TASOR2: variants seen among roughly 807,000 people sequenced by gnomAD.
TASOR2 encodes transcription activation suppressor family member 2, also known as protein TASOR 2.
In TASOR2, 84 loss-of-function variants were observed where a neutral mutation model predicts 199.5. That is an observed-to-expected ratio of 0.42 (90% confidence interval 0.35 to 0.50). TASOR2 has a LOEUF of 0.50. TASOR2 is among the 20% of genes least tolerant of loss of function. TASOR2 has a pLI of 0.02. For missense variants in TASOR2, 2,796 were observed against 2,835.9 expected (o/e 0.99, Z 0.32); for synonymous variants, 1,103 against 1,046.6 (o/e 1.05, Z -1.04).
Position 5,758,993 on chromosome 10 carries a change from G to C in TASOR2, c.6992+1G>C. 1.9e-6 allele frequency: 3 copies of C among 1,603,310 alleles called. No homozygotes were observed. Among genetic ancestry groups the C allele is most frequent in the Non-Finnish European group, 2.6e-6 (3 of 1,170,130 alleles). Reference sequence around the variant, plus strand: ...ATAAAAAGCTAAAAGAAGATGAAAGGTAAGGACTTGCTGTGTGTATGGTTC... The same window carrying C: ...ATAAAAAGCTAAAAGAAGATGAAAGCTAAGGACTTGCTGTGTGTATGGTTC... On this transcript the variant is annotated splice_donor_variant, in intron 18 of 20. Transcript: ENST00000328090. LOFTEE classifies it high-confidence loss of function.
At chr10:5,702,864 T>TA (rs1838071385) in intron 1 of TASOR2, among the ~76,000 whole-genome samples, 1 of 152,090 alleles carries the variant, frequency 6.6e-6, no homozygotes, top group Non-Finnish European at 1.5e-5. Context: ...CATATTCTGG[T>TA]AAAAAATTTC....
intron 8 of TASOR2, among the ~76,000 whole-genome samples, chr10:5,725,181 C>T (rs970561910): frequency 1.3e-5 from 2 of 151,896 alleles, no homozygotes; most frequent in Non-Finnish European, 2.9e-5. Context: ...GGGCGGATCA[C>T]GAGGTCAGGA....
Position 5,758,962 on chromosome 10 carries a change from G to A in TASOR2, c.6962G>A (p.Arg2321Lys), listed in dbSNP as rs1315368360. The A allele has an allele frequency of 1.9e-6, 3 of 1,613,986 alleles. No homozygotes were observed. The South Asian group carries it at 3.3e-5, about 18-fold the overall frequency. The change falls in exon 18 of 21, where the codon AGG (arginine) becomes AAG (lysine). Residue 2321 changes from arginine (R) to lysine (K), a missense_variant. Physicochemically the swap from Arg to Lys is conservative, Grantham distance 26 (BLOSUM62 2). This residue lies in a region of TASOR2 where 1,941 missense variants were observed against 1,924.9 expected (regional missense o/e 1.01). Transcript: ENST00000328090. ...AGATGGAAGTGGTTGCTTCACTACA[G>A]GGAAAATAAAAAGCTAAAAGAAGAT...
At chr10:5,702,612 T>C (rs1327693713) in intron 1 of TASOR2, among the ~76,000 whole-genome samples, 1 of 150,544 alleles carries the variant, frequency 6.6e-6, no homozygotes, top group East Asian at 1.9e-4. Flanking sequence ...TATTATAGCT[T>C]TGATCTCATT....
intron 11 of TASOR2, among the ~76,000 whole-genome samples, chr10:5,734,542 C>G (rs1283117447): frequency 6.6e-6 from 1 of 152,074 alleles, no homozygotes; most frequent in Non-Finnish European, 1.5e-5. Flanking sequence ...TAATATGGCT[C>G]TCCAAATATA....
At chr10:5,716,778 G>T (rs922180363) in intron 2 of TASOR2, among the ~76,000 whole-genome samples, 4 of 152,094 alleles carry the variant, frequency 2.6e-5, no homozygotes, top group African/African-American at 4.8e-5. Flanking sequence ...AGCCAGGCAT[G>T]GTGGCATGCA....
chr10:5,742,230 G>A lies in TASOR2; in HGVS notation c.2461G>A (p.Ala821Thr). 6.2e-7 allele frequency: 1 copy of A among 1,614,120 alleles called. No individual in the cohort carries two copies. The highest frequency in any genetic ancestry group is 8.5e-7 in the Non-Finnish European group (1 of 1,180,010). ...AAAGGTTGTAGAACACAGCAACCCA[G>A]CAAAATATGTGTCTATAAATAGCAC... The change falls in exon 14 of 21, where the codon GCA becomes ACA. Residue 821 changes from alanine to threonine, a missense_variant. Ala to Thr is a moderately conservative substitution (Grantham distance 58, BLOSUM62 0). Around this residue, in one of 3 missense-constraint regions of TASOR2, gnomAD observed 1,941 missense variants for 1,924.9 expected, o/e 1.01. Coordinates refer to ENST00000328090, the Ensembl canonical transcript of TASOR2. This position sits in a 1 kb window ranked among gnomAD's most constrained non-coding sequence, Gnocchi z 4.2.
rs776174443 is a variant in TASOR2 at position 5,742,292 on chromosome 10, C to T, written c.2523C>T (p.Ser841=). The change falls in exon 14 of 21, where the codon TCC becomes TCT. Residue 841 remains serine (S), a synonymous_variant. Transcript: ENST00000328090. The surrounding 1 kb of genome is among the most constrained non-coding windows in gnomAD (Gnocchi z 4.2). The stretch of plus-strand genomic sequence containing the variant: ...GTGAGCTCCGTGAAATTGAGGAGTC[C>T]CTTGGTTTGGAAAAATGTTCTGCAG... 5 of 1,614,038 alleles carry T rather than the reference C, an allele frequency of 3.1e-6. No homozygotes were observed. Among genetic ancestry groups the T allele is most frequent in the South Asian group, 1.1e-5 (1 of 91,072 alleles).
intron 12 of TASOR2, among the ~76,000 whole-genome samples, chr10:5,736,915 T>C (rs1835690114): frequency 6.6e-6 from 1 of 152,210 alleles, no homozygotes; most frequent in African/African-American, 2.4e-5. Flanking sequence ...TAGATGTTAC[T>C]ATCTCACAGA....
rs1014990217 is a variant in TASOR2, at chr10:5,690,091, G to A, written c.-288+4916G>A. Reference sequence around the variant, plus strand: ...AAATATCTTCCTTGTATTTGTGGTTGTATCGTCTTTGCTTTCAATATTTAA... The same window carrying A: ...AAATATCTTCCTTGTATTTGTGGTTATATCGTCTTTGCTTTCAATATTTAA... On this transcript the variant is annotated intron_variant, in intron 1 of 20. Transcript: ENST00000328090. The surrounding 1 kb of genome is among the most constrained non-coding windows in gnomAD (Gnocchi z 4.8). 6.6e-6 allele frequency among the ~76,000 whole-genome samples: 1 copy of A among 151,994 alleles called. No individual in the cohort carries two copies. The highest frequency in any genetic ancestry group is 2.4e-5 in the African/African-American group (1 of 41,400).
chr10:5,734,931 C>G (rs1835357045), intron 11 of TASOR2, among the ~76,000 whole-genome samples: 1 of 151,786 alleles, frequency 6.6e-6, no homozygotes, highest in African/African-American at 2.4e-5. Context: ...TGGGCTCAAG[C>G]AGTCCGTCCG....
At chr10:5,721,245 A>C (rs1833318906) in intron 6 of TASOR2, among the ~76,000 whole-genome samples, 1 of 152,236 alleles carries the variant, frequency 6.6e-6, no homozygotes, top group African/African-American at 2.4e-5. Context: ...GATTTGCCTG[A>C]TAGCAAATAT....
intron 1 of TASOR2, among the ~76,000 whole-genome samples, chr10:5,704,612 T>A (rs1332618767): frequency 6.6e-6 from 1 of 152,174 alleles, no homozygotes; most frequent in Non-Finnish European, 1.5e-5. Context: ...ATATCTGATC[T>A]TCTCTTTTTA....
At position 5,701,456 on chromosome 10, in the gene TASOR2, C is replaced by T. The variant is rs1234052457; in HGVS notation, c.-287-11367C>T. Among the ~76,000 whole-genome samples the T allele has an allele frequency of 6.6e-6, 1 of 152,046 alleles. No homozygotes were observed. Among genetic ancestry groups the T allele is most frequent in the African/African-American group, 2.4e-5 (1 of 41,390 alleles). On this transcript the variant is annotated intron_variant, in intron 1 of 20. Coordinates refer to ENST00000328090, the Ensembl canonical transcript of TASOR2. The surrounding 1 kb of genome is among the most constrained non-coding windows in gnomAD (Gnocchi z 4.9). ...TGGCTATTCAGGATCTTTTGTGGTT[C>T]CATATACATTTTAGGATTTGTTTTC... is the stretch of plus-strand genomic sequence containing the variant.
intron 10 of TASOR2, among the ~76,000 whole-genome samples, chr10:5,729,494 C>T (rs879562396): frequency 4.6e-5 from 7 of 152,178 alleles, no homozygotes; most frequent in Non-Finnish European, 7.3e-5. Context: ...TGAGCCCACT[C>T]GTTCAAGACC....
intron 1 of TASOR2, among the ~76,000 whole-genome samples, chr10:5,691,551 T>C (rs1836428628): frequency 6.6e-6 from 1 of 152,248 alleles, no homozygotes; most frequent in Non-Finnish European, 1.5e-5. Context: ...TGAATAGCTC[T>C]TTGTTAATCT....
chr10:5,740,219 A>C lies in TASOR2; in HGVS notation c.2049A>C (p.Thr683=), dbSNP rs750458463. The change falls in exon 13 of 21, where the codon ACA becomes ACC. Residue 683 remains threonine, a synonymous_variant. Coordinates refer to ENST00000328090, the Ensembl canonical transcript of TASOR2. This position sits in a 1 kb window ranked among gnomAD's most constrained non-coding sequence, Gnocchi z 5.3. ...GCCCTCTGTTTCCCAGGAATGGGAC[A>C]AAAAGCCCTGAAGCAGCAACCCCAG... The C allele has an allele frequency of 3.1e-6, 5 of 1,614,248 alleles. No individual in the cohort carries two copies. Among genetic ancestry groups the C allele is most frequent in the Non-Finnish European group, 4.2e-6 (5 of 1,180,052 alleles).
rs546325614 is a variant in TASOR2, at chr10:5,722,079, T to C, written c.146+1109T>C. ...ACTTAGTGAGACAGTTGGCAGCATT[T>C]GAATAAGATGTAGGTTAAGTCATAG... On this transcript the variant is annotated intron_variant, in intron 6 of 20. Coordinates refer to ENST00000328090, the Ensembl canonical transcript of TASOR2. This position sits in a 1 kb window ranked among gnomAD's most constrained non-coding sequence, Gnocchi z 4.0. Among the ~76,000 whole-genome samples, 90 of 152,324 alleles carry C rather than the reference T, an allele frequency of 5.9e-4. No individual in the cohort carries two copies. The highest frequency in any genetic ancestry group is 2.0e-3 in the African/African-American group (85 of 41,570).
At chr10:5,739,565 G>A (rs1220862122) in intron 12 of TASOR2, 53 bp from the exon 14 acceptor site, 2 of 1,523,248 alleles carry the variant, frequency 1.3e-6, no homozygotes, top group African/African-American at 1.4e-5. Flanking sequence ...ATGGCAGAGA[G>A]TTAATTCTAT....
Sources: allele counts gnomAD v4.1 joint callset (sites outside exome capture counted in the v4.1 genomes callset), GRCh38; gene constraint gnomAD v4.1.1; regional missense constraint gnomAD v4.1.1; non-coding constraint Gnocchi (gnomAD v3.1); transcripts MANE v1.5; gene names NCBI Gene and HGNC (gene_info 2026-07-23, HGNC 2026-07-21).